Variants in SNCAIP observed in about 807,000 individuals in gnomAD.
SNCAIP encodes the protein synuclein alpha interacting protein, also known as synphilin-1.
A neutral mutation model predicts 86.7 loss-of-function variants in SNCAIP; 43 were observed. That is an observed-to-expected ratio of 0.50 (90% CI 0.39 to 0.64). SNCAIP has a LOEUF of 0.64. Among genes scored for constraint, SNCAIP ranks in the 30% least tolerant of loss-of-function variants. The probability of loss-of-function intolerance (pLI) is 0.00; values close to 1 mark genes in which losing one functional copy is unlikely to be tolerated. For missense variants in SNCAIP, 981 were observed against 1,103.1 expected (o/e 0.89, Z 1.57); for synonymous variants, 417 against 427.2 (o/e 0.98, Z 0.29).
At chr5:122,455,367 C>G (rs1784535341) in intron 10 of SNCAIP, among the ~76,000 whole-genome samples, 1 of 152,176 alleles carries the variant, frequency 6.6e-6, no homozygotes, top group African/African-American at 2.4e-5. Flanking sequence ...AATACCTAGG[C>G]TTGCCTAATT....
intron 1 of SNCAIP, among the ~76,000 whole-genome samples, chr5:122,330,153 A>G (rs1250703821): frequency 3.6e-5 from 3 of 83,684 alleles, no homozygotes; most frequent in African/African-American, 4.6e-5. Flanking sequence ...ACGGAGTCTC[A>G]CTCTGTCGCC....
At chr5:122,457,210 C>A (rs1784971741) in intron 10 of SNCAIP, among the ~76,000 whole-genome samples, 1 of 152,074 alleles carries the variant, frequency 6.6e-6, no homozygotes, top group Non-Finnish European at 1.5e-5. Flanking sequence ...ACCCTGTTGG[C>A]CAGGCTGGTT....
intron 1 of SNCAIP, among the ~76,000 whole-genome samples, chr5:122,316,957 C>A (rs569215382): frequency 6.6e-6 from 1 of 152,160 alleles, no homozygotes; most frequent in African/African-American, 2.4e-5. Flanking sequence ...CCAAAGAATA[C>A]GTTTTTATCA....
chr5:122,375,478 T>C lies in SNCAIP; in HGVS notation c.-46-15611T>C, dbSNP rs1243497589. On this transcript the variant is annotated intron_variant, in intron 1 of 10. Transcript: ENST00000261368. ...ATTCTTAGTAGATTTTTGCTTTTTT[T>C]TTTTTTTTCATTTTTCTTCTGTGTT... 7.2e-5 allele frequency among the ~76,000 whole-genome samples: 11 copies of C among 151,944 alleles called. No individual in the cohort carries two copies. The East Asian group carries it at 2.1e-3, about 29-fold the overall frequency.
chr5:122,424,508 G>A (rs574029477), intron 4 of SNCAIP, among the ~76,000 whole-genome samples: 1 of 152,288 alleles, frequency 6.6e-6, no homozygotes, highest in Admixed American at 6.5e-5. Flanking sequence ...TTGGCAATGT[G>A]ATTCTACTTA....
intron 2 of SNCAIP, chr5:122,401,120 G>A: frequency 2.6e-6 from 4 of 1,549,604 alleles, no homozygotes; most frequent in Non-Finnish European, 3.5e-6. Context: ...ATTGTCCTGA[G>A]AATGAGGTAT....
rs901682731 is a variant in SNCAIP, at chr5:122,432,005, G to A, written c.1219G>A (p.Glu407Lys). 1.2e-5 allele frequency: 20 copies of A among 1,605,922 alleles called. No homozygotes were observed. The highest frequency in any genetic ancestry group is 1.4e-5 in the Non-Finnish European group (16 of 1,172,980). ...QLECVRWMVS[E>K]TEAIAELSCS... is the part of the protein sequence containing the mutation. ...GGAGTGCGTACGCTGGATGGTGAGC[G>A]AAACAGAAGCCATTGCAGAACTGAG... is the stretch of plus-strand genomic sequence containing the variant. The change falls in exon 6 of 11, where the codon GAA becomes AAA. Residue 407 changes from glutamate (E) to lysine (K), a missense_variant. By Grantham distance (56) the Glu-to-Lys change is moderately conservative. Coordinates refer to ENST00000261368, the MANE Select transcript of SNCAIP (RefSeq NM_005460.4).
Position 122,350,490 on chromosome 5 carries a change from G to C in SNCAIP, c.-47+38206G>C, listed in dbSNP as rs557494781. ...TTTGTACACAAAACCCTTACAAAGG[G>C]TTTACAAGGAGTAAGGATTTTTTGT... is the stretch of plus-strand genomic sequence containing the variant. On this transcript the variant is annotated intron_variant, in intron 1 of 10. Coordinates refer to ENST00000261368, the MANE Select transcript of SNCAIP (RefSeq NM_005460.4). Among the ~76,000 whole-genome samples, 15 of 150,858 alleles carry C rather than the reference G, an allele frequency of 9.9e-5. No individual in the cohort carries two copies. The East Asian group carries it at 2.3e-3, about 23-fold the overall frequency.
intron 1 of SNCAIP, among the ~76,000 whole-genome samples, chr5:122,351,555 A>AAAAAAAAAAAAAAAAAAAAAAAAAAAG: frequency 6.9e-6 from 1 of 144,410 alleles, no homozygotes; most frequent in Non-Finnish European, 1.6e-5. Context: ...AAAAAAAAAA[A>AAAAAAAAAAAAAAAAAAAAAAAAAAAG]AAAAAAAAAA....
chr5:122,410,102 G>T (rs531046292), intron 3 of SNCAIP, among the ~76,000 whole-genome samples: 5 of 152,276 alleles, frequency 3.3e-5, no homozygotes, highest in Admixed American at 6.5e-5. Context: ...ATCTAGATGA[G>T]ATTGTTTATC....
In SNCAIP at chr5:122,417,932, G is replaced by A. The variant is rs375730837; in HGVS notation, c.131-4936G>A. On this transcript the variant is annotated intron_variant, in intron 3 of 10. Coordinates refer to ENST00000261368, the MANE Select transcript of SNCAIP (RefSeq NM_005460.4). Reference sequence around the variant, plus strand: ...AGAGTTGTAACAGAATTTCAAAAATGCCCAACTCTAGGTATGTGCAGGTAT... The same window carrying A: ...AGAGTTGTAACAGAATTTCAAAAATACCCAACTCTAGGTATGTGCAGGTAT... 1.2e-4 allele frequency among the ~76,000 whole-genome samples: 19 copies of A among 152,290 alleles called. No homozygotes were observed. In the South Asian group the frequency reaches 3.3e-3, roughly 27 times the overall value.
chr5:122,377,391 A>G (rs1765551121), intron 1 of SNCAIP, among the ~76,000 whole-genome samples: 1 of 152,110 alleles, frequency 6.6e-6, no homozygotes, highest in Non-Finnish European at 1.5e-5. Flanking sequence ...CTTCTCCTGC[A>G]CAGCTCCTGT....
At chr5:122,359,445 C>T (rs915648448) in intron 1 of SNCAIP, among the ~76,000 whole-genome samples, 1 of 151,428 alleles carries the variant, frequency 6.6e-6, no homozygotes, top group Admixed American at 6.6e-5. Context: ...CTCACTGGAA[C>T]CTCTGCCTCC....
intron 1 of SNCAIP, among the ~76,000 whole-genome samples, chr5:122,348,941 T>G (rs1211521181): frequency 1.3e-5 from 2 of 152,206 alleles, no homozygotes; most frequent in Non-Finnish European, 2.9e-5. Flanking sequence ...ATAGCTTAAA[T>G]TATAGTTTAA....
chr5:122,457,562 A>G (rs1015865501), intron 10 of SNCAIP, among the ~76,000 whole-genome samples: 1 of 151,776 alleles, frequency 6.6e-6, no homozygotes, highest in Non-Finnish European at 1.5e-5. Flanking sequence ...TGCTTCCCCA[A>G]GTGTTCTGTC....
At chr5:122,336,363 C>T (rs1158674685) in intron 1 of SNCAIP, among the ~76,000 whole-genome samples, 1 of 152,142 alleles carries the variant, frequency 6.6e-6, no homozygotes, top group Non-Finnish European at 1.5e-5. Flanking sequence ...GGGACTTGTC[C>T]AAGATCATAC....
chr5:122,386,958 G>A (rs927081524), intron 1 of SNCAIP, among the ~76,000 whole-genome samples: 5 of 152,126 alleles, frequency 3.3e-5, no homozygotes, highest in African/African-American at 9.7e-5. Flanking sequence ...TGAAAAAGGT[G>A]TGCTGTGGGG....
chr5:122,377,935 G>A (rs1253363130), intron 1 of SNCAIP, among the ~76,000 whole-genome samples: 2 of 151,898 alleles, frequency 1.3e-5, no homozygotes, highest in Non-Finnish European at 2.9e-5. Context: ...AATCCAGTCT[G>A]TCATTGTTGG....
At chr5:122,356,805 G>A (rs769775317) in intron 1 of SNCAIP, among the ~76,000 whole-genome samples, 8 of 152,198 alleles carry the variant, frequency 5.3e-5, no homozygotes, top group Non-Finnish European at 1.2e-4. Flanking sequence ...CTGCCCGCTA[G>A]TATTACTCTA....
Sources: allele counts gnomAD v4.1 joint callset (sites outside exome capture counted in the v4.1 genomes callset), GRCh38; gene constraint gnomAD v4.1.1; transcripts MANE v1.5; gene names NCBI Gene and HGNC (gene_info 2026-07-23, HGNC 2026-07-21).